The following ADAM22 variants were observed in gnomAD, a reference collection of about 807,000 sequenced individuals.
The protein encoded by ADAM22 is ADAM metallopeptidase domain 22.
In ADAM22, 65 loss-of-function variants were observed where a neutral mutation model predicts 144.6. The ratio of observed to expected loss-of-function variants is 0.45; its 90% CI spans 0.37 to 0.55. The LOEUF is 0.55. Among genes scored for constraint, ADAM22 ranks in the 20% least tolerant of loss-of-function variants. The probability of loss-of-function intolerance (pLI) is 0.00; values close to 1 mark genes in which losing one functional copy is unlikely to be tolerated. For synonymous variants in ADAM22, 391 were observed against 412.6 expected (o/e 0.95, Z 0.63); for missense variants, 974 against 1,184.9 (o/e 0.82, Z 2.61).
In ADAM22 at chr7:88,149,577, ATGGTCAC is replaced by A. The variant is rs1433065445; in HGVS notation, c.1566+523_1566+529del. Among the ~76,000 whole-genome samples, 16 of 152,312 alleles carry A rather than the reference ATGGTCAC, an allele frequency of 1.1e-4. No individual in the cohort carries two copies. In the East Asian group the frequency reaches 3.1e-3, roughly 29 times the overall value. ...TTGGTGGGAGTTCACAGATTTCAAA[ATGGTCAC>A]TGTACATACAGACGGTCCTCACTTT... On this transcript the variant is annotated intron_variant, in intron 18 of 31. Transcript: ENST00000413139.
At chr7:88,094,812 G>T (rs556539123) in intron 4 of ADAM22, among the ~76,000 whole-genome samples, 12 of 152,076 alleles carry the variant, frequency 7.9e-5, no homozygotes, top group Admixed American at 2.0e-4. Flanking sequence ...TTAACAAATG[G>T]TACCCATTTT....
chr7:88,153,218 T>G lies in ADAM22; in HGVS notation c.1682-3T>G. 6.2e-7 allele frequency: 1 copy of G among 1,611,534 alleles called. No individual in the cohort carries two copies. Among genetic ancestry groups the G allele is most frequent in the Non-Finnish European group, 8.5e-7 (1 of 1,178,784 alleles). Reference sequence around the variant, plus strand: ...ACTGATAGAAAATTTTTTTCTGCCTTAGAGGTGACAGCATCAGACAAATAT... The same window carrying G: ...ACTGATAGAAAATTTTTTTCTGCCTGAGAGGTGACAGCATCAGACAAATAT... On this transcript the variant is annotated splice_polypyrimidine_tract_variant and splice_region_variant and intron_variant, in intron 20 of 31. Coordinates refer to ENST00000413139, the MANE Select transcript of ADAM22 (RefSeq NM_001324418.2).
intron 22 of ADAM22, 43 bp from the exon 23 acceptor site, chr7:88,162,969 G>A (rs1312077353): frequency 2.5e-6 from 4 of 1,590,160 alleles, no homozygotes; most frequent in Admixed American, 3.6e-5. Context: ...TCAAAATGAA[G>A]GTGAATTAAT....
rs2129541942 is a variant in ADAM22 at position 88,197,855 on chromosome 7, C to T, written c.*1364C>T. On this transcript the variant is annotated 3_prime_UTR_variant, in exon 32 of 32. Coordinates refer to ENST00000413139, the MANE Select transcript of ADAM22 (RefSeq NM_001324418.2). ...TTAGATCTAAACCACAGAGATGCAG[C>T]ATCTGCGAAGTTACACTAACAGCTG... 6.6e-6 allele frequency: 1 copy of T among 152,316 alleles called. No homozygotes were observed. Among genetic ancestry groups the T allele is most frequent in the African/African-American group, 2.4e-5 (1 of 41,564 alleles). The allele number at this position is 152,316 out of a possible 1,614,324, so 9.4% of individuals were successfully genotyped here. A position where few individuals can be genotyped will look rare whatever the true frequency, so the allele number is the denominator to read the frequency against.
chr7:88,190,626 G>A (rs1464089929), intron 30 of ADAM22, among the ~76,000 whole-genome samples: 1 of 152,178 alleles, frequency 6.6e-6, no homozygotes, highest in East Asian at 1.9e-4. Flanking sequence ...AGCTGGGCTG[G>A]TGCCTGGCTT....
rs560344320 is a variant in ADAM22, at chr7:88,156,558, C to G, written c.1907+552C>G. Among the ~76,000 whole-genome samples, 16 of 152,200 alleles carry G rather than the reference C, an allele frequency of 1.1e-4. No individual in the cohort carries two copies. In the South Asian group the frequency reaches 2.7e-3, roughly 26 times the overall value. On this transcript the variant is annotated intron_variant, in intron 22 of 31. Coordinates refer to ENST00000413139, the MANE Select transcript of ADAM22 (RefSeq NM_001324418.2). The stretch of plus-strand genomic sequence containing the variant: ...TCCAAGATATACTCTTACTTCCCCA[C>G]AGGCTCAGAAATTGGCAGCATCATC...
At chr7:87,966,816 TC>T (rs2129446358) in intron 2 of ADAM22, among the ~76,000 whole-genome samples, 1 of 144,590 alleles carries the variant, frequency 6.9e-6, no homozygotes, top group East Asian at 2.1e-4. Context: ...GTAATCTCTG[TC>T]CTAGGAAAAT....
intron 2 of ADAM22, among the ~76,000 whole-genome samples, chr7:87,961,274 A>C (rs529380581): frequency 5.9e-5 from 9 of 152,300 alleles, no homozygotes; most frequent in African/African-American, 1.7e-4. Flanking sequence ...TATCGGTCAA[A>C]TATGAATAAC....
At chr7:88,054,886 G>T (rs1807765494) in intron 3 of ADAM22, among the ~76,000 whole-genome samples, 1 of 152,000 alleles carries the variant, frequency 6.6e-6, no homozygotes, top group Admixed American at 6.6e-5. Context: ...TTAGTGAAAA[G>T]TAGACTTTTA....
chr7:87,934,950 G>T, intron 1 of ADAM22, 76 bp from the exon 2 acceptor site: 1 of 1,593,488 alleles, frequency 6.3e-7, no homozygotes, highest in Non-Finnish European at 8.6e-7. Flanking sequence ...AGGACTGCAG[G>T]ATGGAGGAGT....
intron 3 of ADAM22, among the ~76,000 whole-genome samples, chr7:87,989,364 T>A (rs1012108055): frequency 6.6e-6 from 1 of 152,126 alleles, no homozygotes; most frequent in Non-Finnish European, 1.5e-5. Flanking sequence ...GATATTTAAA[T>A]TTTTCAGGCT....
chr7:88,043,714 A>T (rs1201760358), intron 3 of ADAM22, among the ~76,000 whole-genome samples: 1 of 152,158 alleles, frequency 6.6e-6, no homozygotes, highest in Non-Finnish European at 1.5e-5. Flanking sequence ...TCTTAAAAAA[A>T]AAGAGAAGAA....
At chr7:88,044,835 C>T (rs549973475) in intron 3 of ADAM22, among the ~76,000 whole-genome samples, 1 of 152,164 alleles carries the variant, frequency 6.6e-6, no homozygotes, top group Admixed American at 6.5e-5. Context: ...AAGTGATTCT[C>T]CTGCCTCAGC....
chr7:88,097,141 T>C (rs1821545219), intron 4 of ADAM22, among the ~76,000 whole-genome samples: 1 of 150,092 alleles, frequency 6.7e-6, no homozygotes, highest in African/African-American at 2.5e-5. Context: ...CCAGAATCTT[T>C]TTTTCTTTTC....
chr7:87,966,721 GTT>G (rs71120012), intron 2 of ADAM22, among the ~76,000 whole-genome samples: 161 of 39,840 alleles, frequency 4.0e-3, no homozygotes, highest in African/African-American at 7.9e-3. Flanking sequence ...AAGGAAAGCC[GTT>G]TTTTTTTTTT....
At chr7:88,146,976 G>A (rs1836668834) in intron 17 of ADAM22, among the ~76,000 whole-genome samples, 1 of 152,152 alleles carries the variant, frequency 6.6e-6, no homozygotes, top group African/African-American at 2.4e-5. Context: ...TTCCACTGCC[G>A]TAACAAGACA....
At chr7:88,146,247 T>C (rs143785973) in intron 17 of ADAM22, among the ~76,000 whole-genome samples, 1 of 152,336 alleles carries the variant, frequency 6.6e-6, no homozygotes, top group African/African-American at 2.4e-5. Flanking sequence ...ACTTAGACAG[T>C]AATTGGTATA....
chr7:88,008,939 A>G (rs186001867), intron 3 of ADAM22, among the ~76,000 whole-genome samples: 5 of 152,112 alleles, frequency 3.3e-5, no homozygotes, highest in African/African-American at 2.4e-5. Flanking sequence ...AAAAAAAGAA[A>G]TATCACTGTC....
chr7:88,048,820 A>C (rs916732642), intron 3 of ADAM22, among the ~76,000 whole-genome samples: 2 of 152,132 alleles, frequency 1.3e-5, no homozygotes, highest in African/African-American at 4.8e-5. Flanking sequence ...TACCCTCTAC[A>C]TTCTACAGAT....
Sources: allele counts gnomAD v4.1 joint callset (sites outside exome capture counted in the v4.1 genomes callset), GRCh38; gene constraint gnomAD v4.1.1; transcripts MANE v1.5; gene names NCBI Gene and HGNC (gene_info 2026-07-23, HGNC 2026-07-21).